Variants in SYNE2 observed in about 807,000 individuals in gnomAD.
The protein encoded by SYNE2 is nesprin-2.
In SYNE2, 431 loss-of-function variants were observed where a neutral mutation model predicts 856.3. The ratio of observed to expected loss-of-function variants is 0.50; its 90% CI spans 0.47 to 0.55. The LOEUF (loss-of-function observed/expected upper bound fraction) is 0.55, where lower values mean the gene tolerates loss of function less well. Among genes scored for constraint, SYNE2 ranks in the 20% least tolerant of loss-of-function variants. SYNE2 has a pLI of 0.00. For synonymous variants in SYNE2, 2,923 were observed against 2,872.3 expected (o/e 1.02, Z -0.56); for missense variants, 8,129 against 8,023.2 (o/e 1.01, Z -0.50).
Position 63,970,626 on chromosome 14 carries a change from TTCTG to T in SYNE2, c.1128+2784_1128+2787del, listed in dbSNP as rs1357873878. Among the ~76,000 whole-genome samples the T allele has an allele frequency of 4.6e-5, 7 of 151,440 alleles. 1 individual carries two copies. Among genetic ancestry groups the T allele is most frequent in the South Asian group, 4.2e-4 (2 of 4,804 alleles). ...GCTTTTTCTATCTCTGTTTCTTCCT[TTCTG>T]TCTTTTTTCTTTTCTTTTTTCTTTT... On this transcript the variant is annotated intron_variant, in intron 11 of 115. Transcript: ENST00000555002.
At chr14:64,103,078 A>T (rs548870394) in intron 64 of SYNE2, among the ~76,000 whole-genome samples, 1 of 152,254 alleles carries the variant, frequency 6.6e-6, no homozygotes, top group South Asian at 2.1e-4. Flanking sequence ...TTGCTTCTCT[A>T]TCTTGGCTAC....
chr14:63,888,459 G>C (rs988942888), intron 1 of SYNE2, among the ~76,000 whole-genome samples: 4 of 152,110 alleles, frequency 2.6e-5, no homozygotes, highest in African/African-American at 9.7e-5. Context: ...CCTTGTTACT[G>C]CTGCCTATTC....
Position 64,122,120 on chromosome 14 carries a change from G to C in SYNE2, c.13267G>C (p.Glu4423Gln). The C allele has an allele frequency of 6.2e-7, 1 of 1,614,138 alleles. No homozygotes were observed. The highest frequency in any genetic ancestry group is 2.2e-5 in the East Asian group (1 of 44,872). ...YCQHDNDTTQ[E>Q]SSASNQASSP... Reference sequence around the variant, plus strand: ...CCAACATGATAACGATACAACTCAGGAATCATCTGCAAGGTAAAACATTTA... The same window carrying C: ...CCAACATGATAACGATACAACTCAGCAATCATCTGCAAGGTAAAACATTTA... The change falls in exon 69 of 116, where the codon GAA becomes CAA. Residue 4423 changes from glutamate to glutamine, a missense_variant. By Grantham distance (29) the Glu-to-Gln change is conservative. Around this residue, in one of 3 missense-constraint regions of SYNE2, gnomAD observed 5,410 missense variants for 5,284.8 expected, o/e 1.02. Coordinates refer to ENST00000555002, the MANE Select transcript of SYNE2 (RefSeq NM_182914.3).
At position 64,225,576 on chromosome 14, in the gene SYNE2, G is replaced by T. The variant is rs1400615114; in HGVS notation, c.*50G>T. 6.3e-7 allele frequency: 1 copy of T among 1,589,202 alleles called. No homozygotes were observed. ...CACCACCTGCCTGATTGCCAAGGGTGCCCAGCACGTGGCCCCAGACCAATC... is the reference window on the plus strand; with the variant it reads ...CACCACCTGCCTGATTGCCAAGGGTTCCCAGCACGTGGCCCCAGACCAATC... On this transcript the variant is annotated 3_prime_UTR_variant, in exon 116 of 116. Transcript: ENST00000555002.
rs762927801 is a variant in SYNE2, at chr14:64,073,924, A to G, written c.10698-44A>G. On this transcript the variant is annotated intron_variant, in intron 52 of 115. Transcript: ENST00000555002. ...AAAACTGTTTCATTTTATTCATAGA[A>G]GAGCAGGATAAAGAAACAATTATAT... is the stretch of plus-strand genomic sequence containing the variant. 3 of 1,588,542 alleles carry G rather than the reference A, an allele frequency of 1.9e-6. No homozygotes were observed. The South Asian group carries it at 3.3e-5, about 18-fold the overall frequency.
At chr14:63,924,105 C>CA (rs1297745851) in intron 2 of SYNE2, among the ~76,000 whole-genome samples, 3 of 152,016 alleles carry the variant, frequency 2.0e-5, no homozygotes, top group South Asian at 4.2e-4. Flanking sequence ...TGTGCCTGGT[C>CA]AAAAAAAGTA....
At position 63,976,567 on chromosome 14, in the gene SYNE2, A is replaced by C; in HGVS notation, c.1133A>C (p.Asn378Thr). The C allele has an allele frequency of 6.4e-7, 1 of 1,555,424 alleles. No homozygotes were observed. Among genetic ancestry groups the C allele is most frequent in the South Asian group, 1.2e-5 (1 of 86,240 alleles). ...EAWDGLDHQI[N>T]AWKIKLNYAL... is the part of the protein sequence containing the mutation. ...TTTTTTTTTTTTTTTTTTCAGATTA[A>C]TGCATGGAAAATAAAGCTAAATTAT... Residue 378 changes from asparagine to threonine, a missense_variant, in exon 12 of 116, where the codon AAT becomes ACT. Asn to Thr is a moderately conservative substitution (Grantham distance 65). Transcript: ENST00000555002.
At chr14:64,071,075 C>T (rs772068204) in intron 52 of SYNE2, among the ~76,000 whole-genome samples, 165 bp downstream of exon 52, 1 of 152,172 alleles carries the variant, frequency 6.6e-6, no homozygotes, top group Non-Finnish European at 1.5e-5. Context: ...TATAATTAAG[C>T]ACACATTTTC....
rs556342048 is a variant in SYNE2, at chr14:63,986,600, A to G, written c.2296A>G (p.Met766Val). 27 of 1,614,172 alleles carry G rather than the reference A, an allele frequency of 1.7e-5. No individual in the cohort carries two copies. The highest frequency in any genetic ancestry group is 1.5e-4 in the African/African-American group (11 of 75,072). Residue 766 changes from methionine (M) to valine (V), a missense_variant, in exon 19 of 116, where the codon ATG becomes GTG. By Grantham distance (21) the Met-to-Val change is conservative. Transcript: ENST00000555002. ...GGATCAAGATGATGTGGACACCTCA[A>G]TGGAAGAATCTTTGAAGGTATGTGT... Reference protein sequence around the residue: ...VLDQDDVDTSMEESLKHLIAK... With the variant: ...VLDQDDVDTSVEESLKHLIAK...
intron 1 of SYNE2, among the ~76,000 whole-genome samples, chr14:63,769,852 T>C (rs555743565): frequency 3.3e-5 from 5 of 151,734 alleles, no homozygotes; most frequent in Admixed American, 3.3e-4. Flanking sequence ...TGAGCCAAGA[T>C]TGTGTCACTG....
chr14:63,827,625 CAAAAAAAAAAAAAAAAAAAAAAAA>C (rs11334415), intron 1 of SYNE2, among the ~76,000 whole-genome samples: 1 of 28,400 alleles, frequency 3.5e-5, no homozygotes, highest in Non-Finnish European at 6.3e-5. Flanking sequence ...AACTCTGTCT[CAAAAAAAAAAAAAAAAAAAAAAAA>C]AAAAAAAGAA....
intron 85 of SYNE2, among the ~76,000 whole-genome samples, chr14:64,157,441 A>G (rs1262429697): frequency 6.6e-6 from 1 of 152,178 alleles, no homozygotes; most frequent in African/African-American, 2.4e-5. Context: ...TTTATGGCTA[A>G]TATTCCATTG....
At chr14:63,967,868 A>G (rs748964664) in intron 11 of SYNE2, 22 bp downstream of exon 11, 1 of 1,613,124 alleles carries the variant, frequency 6.2e-7, no homozygotes, top group Non-Finnish European at 8.5e-7. Context: ...TGTTGATTAG[A>G]AGAATATTTT....
Position 64,052,927 on chromosome 14 carries a change from T to G in SYNE2, c.9014T>G (p.Phe3005Cys), listed in dbSNP as rs762362777. The G allele has an allele frequency of 6.2e-7, 1 of 1,612,590 alleles. No individual in the cohort carries two copies. The highest frequency in any genetic ancestry group is 1.1e-5 in the South Asian group (1 of 90,398). The change falls in exon 48 of 116, where the codon TTT (phenylalanine) becomes TGT (cysteine). Residue 3005 changes from phenylalanine (F) to cysteine (C), a missense_variant. Phe to Cys is a radical substitution (Grantham distance 205, BLOSUM62 -2). This residue lies in a region of SYNE2 where 5,410 missense variants were observed against 5,284.8 expected (regional missense o/e 1.02). Coordinates refer to ENST00000555002, the MANE Select transcript of SYNE2 (RefSeq NM_182914.3). ...CAGGTATTGAAACTTAAAAAAGTGT[T>G]TGACTATATTGGACTAAACTGGGAT... ...ILQVLKLKKV[F>C]DYIGLNWDFS...
intron 74 of SYNE2, among the ~76,000 whole-genome samples, chr14:64,129,472 A>G (rs1323761580): frequency 1.3e-5 from 2 of 152,238 alleles, no homozygotes; most frequent in Non-Finnish European, 2.9e-5. Context: ...AAGGAGCTAG[A>G]TATGTGTATA....
chr14:64,138,946 GGTGTGT>G (rs150016027), intron 79 of SYNE2, among the ~76,000 whole-genome samples: 233 of 137,780 alleles, frequency 1.7e-3, no homozygotes, highest in African/African-American at 3.0e-3. Flanking sequence ...GTGTATGTAT[GGTGTGT>G]GTGTGTGTGT....
intron 89 of SYNE2, 23 bp downstream of exon 89, chr14:64,163,604 A>T (rs1443410830): frequency 1.9e-5 from 31 of 1,613,358 alleles, no homozygotes; most frequent in Non-Finnish European, 2.6e-5. Context: ...TTTCCATTCA[A>T]GTTTTAGTCT....
intron 23 of SYNE2, 104 bp from the exon 24 acceptor site, chr14:63,996,843 A>T: frequency 9.0e-7 from 1 of 1,108,296 alleles, no homozygotes. Flanking sequence ...GGCCTATACA[A>T]GAACACATTG....
intron 1 of SYNE2, among the ~76,000 whole-genome samples, chr14:63,886,423 T>C (rs1478772572): frequency 6.6e-6 from 1 of 152,240 alleles, no homozygotes; most frequent in Non-Finnish European, 1.5e-5. Flanking sequence ...TTGTTTATTA[T>C]GTGGAATTTT....
Sources: gnomAD v4.1 joint callset for allele counts (sites outside exome capture counted in the v4.1 genomes callset) on GRCh38, gnomAD v4.1.1 for gene constraint, gnomAD v4.1.1 regional missense constraint, MANE v1.5 for transcripts, NCBI Gene and HGNC (gene_info 2026-07-23, HGNC 2026-07-21) for gene names.